EMID1: variants seen among roughly 807,000 people sequenced by gnomAD.
EMID1 encodes EMI domain-containing protein 1.
EMID1 carries 40 observed loss-of-function variants against 60.6 expected under a neutral mutation model. The observed-to-expected ratio is 0.66, with a 90% CI of 0.51 to 0.86. The LOEUF (loss-of-function observed/expected upper bound fraction) is 0.86, where lower values mean the gene tolerates loss of function less well. Among genes scored for constraint, EMID1 ranks in the 40% least tolerant of loss-of-function variants. EMID1 has a pLI of 0.00. For synonymous variants in EMID1, 242 were observed against 231.0 expected (o/e 1.05, Z -0.43); for missense variants, 585 against 597.1 (o/e 0.98, Z 0.21).
intron 7 of EMID1, 65 bp downstream of exon 7, chr22:29,231,747 C>G: frequency 7.2e-7 from 1 of 1,387,424 alleles, no homozygotes; most frequent in Non-Finnish European, 9.5e-7. Context: ...GGGCCCTTCC[C>G]TGCTCCTGAC....
chr22:29,215,702 C>A, intron 3 of EMID1, 72 bp downstream of exon 3: 1 of 1,216,370 alleles, frequency 8.2e-7, no homozygotes, highest in Non-Finnish European at 1.2e-6. Flanking sequence ...TGCATGGAGC[C>A]GTGAACTATT....
At chr22:29,206,833 C>T (rs1195088185) in intron 1 of EMID1, among the ~76,000 whole-genome samples, 1 of 152,202 alleles carries the variant, frequency 6.6e-6, no homozygotes, top group Admixed American at 6.5e-5. Context: ...CCCCATTCAA[C>T]GGTTAAGCAA....
chr22:29,226,568 C>T lies in EMID1; in HGVS notation c.465+17C>T. On this transcript the variant is annotated intron_variant, in intron 5 of 14. Coordinates refer to ENST00000334018, the MANE Select transcript of EMID1 (RefSeq NM_133455.4). Reference sequence around the variant, plus strand: ...GAGGCCAAGGTGGGTGAGCAGCTCCCTCCTGGGTGGTTGTTCCCTGCCACA... The same window carrying T: ...GAGGCCAAGGTGGGTGAGCAGCTCCTTCCTGGGTGGTTGTTCCCTGCCACA... 6.2e-7 allele frequency: 1 copy of T among 1,607,912 alleles called. No individual in the cohort carries two copies. The highest frequency in any genetic ancestry group is 8.5e-7 in the Non-Finnish European group (1 of 1,177,404).
At chr22:29,254,449 A>G (rs939304465) in intron 14 of EMID1, 162 bp downstream of exon 14, 4 of 664,468 alleles carry the variant, frequency 6.0e-6, no homozygotes, top group African/African-American at 3.6e-5. Context: ...CCTTCCCTCA[A>G]TGACTGGTTC....
intron 3 of EMID1, among the ~76,000 whole-genome samples, chr22:29,219,965 G>A (rs1418077731): frequency 6.6e-6 from 1 of 152,154 alleles, no homozygotes; most frequent in African/African-American, 2.4e-5. Context: ...GAATCCGAGG[G>A]CTAAACATTG....
chr22:29,219,985 C>T (rs891754826), intron 3 of EMID1, among the ~76,000 whole-genome samples: 6 of 152,110 alleles, frequency 3.9e-5, no homozygotes, highest in African/African-American at 1.4e-4. Context: ...GCAAATCCAC[C>T]TACATCCACC....
At chr22:29,245,750 G>A (rs738435) in intron 13 of EMID1, among the ~76,000 whole-genome samples, 55,342 of 152,140 alleles carry the variant, frequency 0.36, 12,279 homozygotes, top group Middle Eastern at 0.51. Flanking sequence ...GCAGGAACTG[G>A]AGTGACTGTG....
At position 29,234,190 on chromosome 22, in the gene EMID1, G is replaced by T; in HGVS notation, c.1020G>T (p.Lys340Asn). ...PKGISGHPGE[K>N]GERGLRGEPG... is the part of the protein sequence containing the mutation. ...GAATCTCTGGCCACCCAGGAGAGAAGGGCGAGAGAGTGAGTACCCAGGTGG... is the reference window on the plus strand; with the variant it reads ...GAATCTCTGGCCACCCAGGAGAGAATGGCGAGAGAGTGAGTACCCAGGTGG... The change falls in exon 11 of 15, where the codon AAG becomes AAT. Residue 340 changes from lysine (K) to asparagine (N), a missense_variant. Transcript: ENST00000334018. 6.2e-7 allele frequency: 1 copy of T among 1,604,914 alleles called. No individual in the cohort carries two copies. Among genetic ancestry groups the T allele is most frequent in the African/African-American group, 1.3e-5 (1 of 74,898 alleles).
chr22:29,216,025 A>T (rs985220730), intron 3 of EMID1, among the ~76,000 whole-genome samples: 2 of 152,174 alleles, frequency 1.3e-5, no homozygotes, highest in Non-Finnish European at 2.9e-5. Flanking sequence ...GGTTTTACCT[A>T]TCCTGCAGAT....
intron 3 of EMID1, among the ~76,000 whole-genome samples, chr22:29,220,171 C>A (rs1449328002): frequency 6.6e-6 from 1 of 152,190 alleles, no homozygotes; most frequent in African/African-American, 2.4e-5. Flanking sequence ...CTCCCATACA[C>A]GGCCTTGGCA....
At position 29,232,439 on chromosome 22, in the gene EMID1, G is replaced by C. The variant is rs544760924; in HGVS notation, c.823+37G>C. 47 of 1,516,558 alleles carry C rather than the reference G, an allele frequency of 3.1e-5. No homozygotes were observed. The South Asian group carries it at 5.8e-4, about 19-fold the overall frequency. The allele number at this position is 1,516,558 out of a possible 1,614,324, so 93.9% of individuals were successfully genotyped here. ...TGGGATCCCAGCAGGTGGAGGTGGG[G>C]GTGGAGTAGCCATCAGCACAGTGCC... On this transcript the variant is annotated intron_variant, in intron 8 of 14. Transcript: ENST00000334018.
chr22:29,211,770 C>T (rs1327494423), intron 1 of EMID1, among the ~76,000 whole-genome samples: 11 of 152,258 alleles, frequency 7.2e-5, no homozygotes, highest in Admixed American at 6.5e-4. Context: ...GTCCTCTGCC[C>T]AGATTGTCCT....
At chr22:29,213,347 G>A (rs2039965637) in intron 1 of EMID1, among the ~76,000 whole-genome samples, 1 of 152,186 alleles carries the variant, frequency 6.6e-6, no homozygotes, top group South Asian at 2.1e-4. Context: ...TGGGATGGCT[G>A]GCTGAAGGCT....
intron 7 of EMID1, 142 bp from the exon 8 acceptor site, chr22:29,232,114 A>G: frequency 1.1e-6 from 1 of 871,512 alleles, no homozygotes; most frequent in South Asian, 1.6e-5. Flanking sequence ...TCCCCCTGTT[A>G]GACTACCAGG....
At chr22:29,225,080 C>T (rs768093105) in intron 3 of EMID1, 53 bp from the exon 4 acceptor site, 23 of 1,586,090 alleles carry the variant, frequency 1.5e-5, no homozygotes, top group Non-Finnish European at 1.9e-5. Context: ...GGCAGGGGGG[C>T]CTGAGGAGGC....
intron 13 of EMID1, among the ~76,000 whole-genome samples, chr22:29,249,591 T>A (rs537349693): frequency 5.7e-3 from 169 of 29,676 alleles, no homozygotes; most frequent in African/African-American, 0.015. Context: ...ACCTTTATTA[T>A]TTATTTATTT....
intron 3 of EMID1, among the ~76,000 whole-genome samples, chr22:29,223,599 G>A (rs1395467485): frequency 6.6e-6 from 1 of 152,208 alleles, no homozygotes. Context: ...GCAGACCTGT[G>A]TTCAAATCCA....
chr22:29,246,280 C>T (rs2041328646), intron 13 of EMID1, among the ~76,000 whole-genome samples: 2 of 152,062 alleles, frequency 1.3e-5, no homozygotes, highest in Middle Eastern at 3.4e-3. Context: ...TAGGAGGCCA[C>T]GTTCAGGAAT....
In EMID1 at chr22:29,234,163, A is replaced by C. The variant is rs1177353930; in HGVS notation, c.993A>C (p.Lys331Asn). 3.7e-6 allele frequency: 6 copies of C among 1,600,176 alleles called. No individual in the cohort carries two copies. Among genetic ancestry groups the C allele is most frequent in the Non-Finnish European group, 5.1e-6 (6 of 1,173,036 alleles). Residue 331 changes from lysine (K) to asparagine (N), a missense_variant, in exon 11 of 15, where the codon AAA becomes AAC. By Grantham distance (94) the Lys-to-Asn change is moderately conservative. Transcript: ENST00000334018. ...GACCCCCAGGCCCCACTGGACCCAAAGGAATCTCTGGCCACCCAGGAGAGA... is the reference window on the plus strand; with the variant it reads ...GACCCCCAGGCCCCACTGGACCCAACGGAATCTCTGGCCACCCAGGAGAGA... ...HIGPPGPTGP[K>N]GISGHPGEKG...
Sources: gnomAD v4.1 joint callset for allele counts (sites outside exome capture counted in the v4.1 genomes callset) on GRCh38, gnomAD v4.1.1 for gene constraint, MANE v1.5 for transcripts, NCBI Gene and HGNC (gene_info 2026-07-23, HGNC 2026-07-21) for gene names.